The following TSPAN3 variants were observed in gnomAD, a reference collection of about 807,000 sequenced individuals.
TSPAN3 encodes tetraspanin-3.
In TSPAN3, 9 loss-of-function variants were observed where a neutral mutation model predicts 31.1. That is an observed-to-expected ratio of 0.29 (90% CI 0.17 to 0.50). The LOEUF is 0.50. TSPAN3 is among the 20% of genes least tolerant of loss of function. The pLI, the probability that TSPAN3 is intolerant of heterozygous loss-of-function variation, is 0.98. For synonymous variants in TSPAN3, 129 were observed against 114.3 expected (o/e 1.13, Z -0.82); for missense variants, 252 against 313.5 (o/e 0.80, Z 1.48).
chr15:77,057,007 C>T (rs1305521156), intron 1 of TSPAN3, among the ~76,000 whole-genome samples: 1 of 152,168 alleles, frequency 6.6e-6, no homozygotes, highest in Non-Finnish European at 1.5e-5. Context: ...TCTTGGAGCG[C>T]ACTCTGAGTA....
At chr15:77,065,028 T>C (rs2076823318) in intron 1 of TSPAN3, 1 of 152,236 alleles carries the variant, frequency 6.6e-6, no homozygotes, top group Non-Finnish European at 1.5e-5. Flanking sequence ...ATAAACCTCT[T>C]AGTAATTTGA....
chr15:77,061,211 A>G (rs1277733119), intron 1 of TSPAN3, among the ~76,000 whole-genome samples: 1 of 152,166 alleles, frequency 6.6e-6, no homozygotes, highest in African/African-American at 2.4e-5. Flanking sequence ...CAAATATTCT[A>G]TGAAAGAGAC....
chr15:77,065,884 C>A (rs1051075802), intron 1 of TSPAN3, among the ~76,000 whole-genome samples: 13 of 152,024 alleles, frequency 8.6e-5, no homozygotes, highest in Non-Finnish European at 1.3e-4. Context: ...GCGGTACTTC[C>A]CCCACTCTAC....
chr15:77,053,839 A>G (rs2076749838), intron 4 of TSPAN3, among the ~76,000 whole-genome samples: 1 of 151,210 alleles, frequency 6.6e-6, no homozygotes, highest in Admixed American at 6.6e-5. Flanking sequence ...GTATATATAG[A>G]CCTCCCACCT....
chr15:77,066,782 A>G (rs1026603865), intron 1 of TSPAN3, among the ~76,000 whole-genome samples: 16 of 152,092 alleles, frequency 1.1e-4, no homozygotes, highest in African/African-American at 3.1e-4. Context: ...ACAAATCTTA[A>G]TATTCTAGAA....
chr15:77,051,979 G>T (rs1310404813), intron 6 of TSPAN3, among the ~76,000 whole-genome samples: 1 of 152,140 alleles, frequency 6.6e-6, no homozygotes, highest in East Asian at 1.9e-4. Context: ...GGGAGAACTA[G>T]CATACAAAAA....
Position 77,041,973 on chromosome 15 carries a change from G to T in TSPAN3, c.*4862C>A, listed in dbSNP as rs1012101479. 6.6e-6 allele frequency: 1 copy of T among 152,198 alleles called. No individual in the cohort carries two copies. Among genetic ancestry groups the T allele is most frequent in the African/African-American group, 2.4e-5 (1 of 41,458 alleles). The allele number at this position is 152,198 out of a possible 1,614,324, so 9.4% of individuals were successfully genotyped here. ...GCGAGTAGTGGAGGCACTGGAGGCA[G>T]CCTGCAGGCCTGCCCTTTATACACC... On this transcript the variant is annotated 3_prime_UTR_variant, in exon 7 of 7. Transcript: ENST00000267970.
At chr15:77,062,720 G>C (rs2076807815) in intron 1 of TSPAN3, among the ~76,000 whole-genome samples, 1 of 152,182 alleles carries the variant, frequency 6.6e-6, no homozygotes, top group Non-Finnish European at 1.5e-5. Context: ...TAGAAAGTTA[G>C]TCAGAAACAC....
chr15:77,047,312 TTTTAA>T, intron 6 of TSPAN3, among the ~76,000 whole-genome samples: 1 of 152,348 alleles, frequency 6.6e-6, no homozygotes, highest in Non-Finnish European at 1.5e-5. Flanking sequence ...TGAGTTGCAC[TTTTAA>T]TTTTATTTAA....
In TSPAN3 at chr15:77,046,671, G is replaced by C. The variant is rs1194484454; in HGVS notation, c.*164C>G. 4 of 570,186 alleles carry C rather than the reference G, an allele frequency of 7.0e-6. No individual in the cohort carries two copies. Among genetic ancestry groups the C allele is most frequent in the Non-Finnish European group, 1.2e-5 (4 of 321,840 alleles). The allele number at this position is 570,186 out of a possible 1,614,324, so 35.3% of individuals were successfully genotyped here. ...TAGAACAAGGAAAAAGAAAGTCGCA[G>C]GTAGTAGGTAAGTAGGTGGGCACAT... On this transcript the variant is annotated 3_prime_UTR_variant, in exon 7 of 7. Transcript: ENST00000267970.
chr15:77,071,007 A>T lies in TSPAN3; in HGVS notation c.-53T>A. On this transcript the variant is annotated 5_prime_UTR_variant, in exon 1 of 7. Transcript: ENST00000267970. ...CCGGAGAGCGGGGCTGCGCTCACCGAGAGAGCGGCAATGGCGGCGGCGCCT... is the reference window on the plus strand; with the variant it reads ...CCGGAGAGCGGGGCTGCGCTCACCGTGAGAGCGGCAATGGCGGCGGCGCCT... 2 of 1,300,736 alleles carry T rather than the reference A, an allele frequency of 1.5e-6. No homozygotes were observed. Among genetic ancestry groups the T allele is most frequent in the Non-Finnish European group, 2.0e-6 (2 of 1,001,980 alleles). 80.6% of individuals were successfully genotyped at this position (1,300,736 alleles called of 1,614,324 possible).
At chr15:77,054,032 G>T (rs1011741211) in intron 4 of TSPAN3, 146 bp downstream of exon 4, 1 of 570,882 alleles carries the variant, frequency 1.8e-6, no homozygotes, top group African/African-American at 1.9e-5. Context: ...CTTTTCAAGG[G>T]TGAAGGTTGG....
chr15:77,050,911 A>G (rs2076726559), intron 6 of TSPAN3, among the ~76,000 whole-genome samples: 1 of 152,308 alleles, frequency 6.6e-6, no homozygotes, highest in South Asian at 2.1e-4. Context: ...CAAAGTAAAC[A>G]ATCATCCTTT....
At position 77,043,500 on chromosome 15, in the gene TSPAN3, A is replaced by C. The variant is rs2076671244; in HGVS notation, c.*3335T>G. 2.6e-5 allele frequency: 4 copies of C among 152,334 alleles called. No homozygotes were observed. The highest frequency in any genetic ancestry group is 6.5e-5 in the Admixed American group (1 of 15,294). 9.4% of individuals were successfully genotyped at this position (152,334 alleles called of 1,614,324 possible). A position where few individuals can be genotyped will look rare whatever the true frequency, so the allele number is the denominator to read the frequency against. On this transcript the variant is annotated 3_prime_UTR_variant, in exon 7 of 7. Transcript: ENST00000267970. Reference sequence around the variant, plus strand: ...CCCTGAGAGGCCGCGTGACGCAGGTAGTGGTTCAGCCACCTGGAATGCAAA... The same window carrying C: ...CCCTGAGAGGCCGCGTGACGCAGGTCGTGGTTCAGCCACCTGGAATGCAAA...
intron 6 of TSPAN3, among the ~76,000 whole-genome samples, chr15:77,047,771 T>C (rs1187491082): frequency 6.6e-6 from 1 of 152,236 alleles, no homozygotes; most frequent in Non-Finnish European, 1.5e-5. Context: ...AAATATAATT[T>C]TTTTGTGAGA....
At chr15:77,056,417 T>C (rs892352932) in intron 1 of TSPAN3, among the ~76,000 whole-genome samples, 162 bp from the exon 2 acceptor site, 3 of 151,784 alleles carry the variant, frequency 2.0e-5, no homozygotes, top group Non-Finnish European at 2.9e-5. Flanking sequence ...ATTTCTATAC[T>C]AGATAAAATT....
chr15:77,054,136 G>T, intron 4 of TSPAN3, 42 bp downstream of exon 4: 1 of 1,384,156 alleles, frequency 7.2e-7, no homozygotes, highest in South Asian at 1.2e-5. Flanking sequence ...TGACCCAATC[G>T]TGATTGGTCC....
At chr15:77,070,290 C>T (rs921840353) in intron 1 of TSPAN3, among the ~76,000 whole-genome samples, 13 of 152,166 alleles carry the variant, frequency 8.5e-5, no homozygotes, top group African/African-American at 3.1e-4. Context: ...CCCCCATGAC[C>T]AAAACAAATA....
At chr15:77,048,096 GCACCATTTGCACCATTT>G (rs1303236959) in intron 6 of TSPAN3, among the ~76,000 whole-genome samples, 1 of 151,682 alleles carries the variant, frequency 6.6e-6, no homozygotes, top group Non-Finnish European at 1.5e-5. Context: ...TTCACCACTT[GCACCATTTGCACCATTT>G]CACCATTTGC....
Sources: allele counts gnomAD v4.1 joint callset (sites outside exome capture counted in the v4.1 genomes callset), GRCh38; gene constraint gnomAD v4.1.1; transcripts MANE v1.5; gene names NCBI Gene and HGNC (gene_info 2026-07-23, HGNC 2026-07-21).